Variants in RGSL1 observed in about 807,000 individuals in gnomAD.
RGSL1 encodes the protein regulator of G protein signaling protein-like.
RGSL1 carries 97 observed loss-of-function variants against 124.7 expected under a neutral mutation model. The ratio of observed to expected loss-of-function variants is 0.78; its 90% confidence interval spans 0.66 to 0.92. RGSL1 has a LOEUF of 0.92. RGSL1 is among the 40% of genes least tolerant of loss of function. RGSL1 has a pLI of 0.00. For synonymous variants in RGSL1, 424 were observed against 438.1 expected, an observed-to-expected ratio of 0.97 and a Z score of 0.40; for missense variants, 1,233 against 1,288.4, an observed-to-expected ratio of 0.96 and a Z score of 0.66.
At position 182,472,265 on chromosome 1, in the gene RGSL1, A is replaced by G. The variant is rs531702311; in HGVS notation, c.302-131A>G. ...AACTTTTCTAGAGATGATACCTTGAACCAATCACCAGGAATGATGATTGAT... is the reference window on the plus strand; with the variant it reads ...AACTTTTCTAGAGATGATACCTTGAGCCAATCACCAGGAATGATGATTGAT... On this transcript the variant is annotated intron_variant, in intron 4 of 21. Coordinates refer to ENST00000294854, the MANE Select transcript of RGSL1 (RefSeq NM_001137669.2). 193 of 840,696 alleles carry G rather than the reference A, an allele frequency of 2.3e-4. No homozygotes were observed. In the African/African-American group the frequency reaches 3.0e-3, roughly 13 times the overall value. 52.1% of individuals were successfully genotyped at this position (840,696 alleles called of 1,614,324 possible). A position where few individuals can be genotyped will look rare whatever the true frequency, so the allele number is the denominator to read the frequency against.
In RGSL1 at chr1:182,548,803, T is replaced by C; in HGVS notation, c.2912T>C (p.Val971Ala). Residue 971 changes from valine (V) to alanine (A), a missense_variant, in exon 17 of 22, where the codon GTT becomes GCT. Val to Ala is a moderately conservative substitution (Grantham distance 64). Transcript: ENST00000294854. ...GGGGCTATCATGTCTGTCTTCCCCG[T>C]TGTTATGTACTTCTGGAAAAGGTAA... ...FHGAIMSVFP[V>A]VMYFWKRFCF... 1 of 1,551,640 alleles carries C rather than the reference T, an allele frequency of 6.4e-7. No individual in the cohort carries two copies. The highest frequency in any genetic ancestry group is 8.7e-7 in the Non-Finnish European group (1 of 1,146,958).
At chr1:182,475,726 A>G (rs1421175104) in intron 6 of RGSL1, among the ~76,000 whole-genome samples, 1 of 152,138 alleles carries the variant, frequency 6.6e-6, no homozygotes, top group Non-Finnish European at 1.5e-5. Flanking sequence ...CATCTGATAA[A>G]CCCAAACAGA....
At position 182,540,288 on chromosome 1, in the gene RGSL1, C is replaced by T. The variant is rs988729943; in HGVS notation, c.2536C>T (p.Pro846Ser). 5 of 1,551,314 alleles carry T rather than the reference C, an allele frequency of 3.2e-6. No individual in the cohort carries two copies. In the African/African-American group the frequency reaches 4.1e-5, roughly 13 times the overall value. Residue 846 changes from proline to serine, a missense_variant, in exon 15 of 22, where the codon CCC (proline) becomes TCC (serine). Pro to Ser is a moderately conservative substitution (Grantham distance 74). Transcript: ENST00000294854. ...CAACACATCGGGACGTTCAGCTCCA[C>T]CCTCCACAAATGTCCGGAGTGCAGA... ...AHNTSGRSAP[P>S]STNVRSADQE...
chr1:182,521,557 G>A (rs1658340774), intron 9 of RGSL1, among the ~76,000 whole-genome samples: 1 of 152,186 alleles, frequency 6.6e-6, no homozygotes, highest in African/African-American at 2.4e-5. Flanking sequence ...CTTAAAAGAA[G>A]AAGTCAAGCA....
intron 16 of RGSL1, 57 bp downstream of exon 16, chr1:182,548,512 G>T: frequency 6.5e-7 from 1 of 1,544,894 alleles, no homozygotes; most frequent in Middle Eastern, 1.7e-4. Context: ...TCCCCCACAA[G>T]GACAATTAGA....
At chr1:182,494,548 A>G (rs146696865) in intron 9 of RGSL1, among the ~76,000 whole-genome samples, 63 of 152,300 alleles carry the variant, frequency 4.1e-4, no homozygotes, top group East Asian at 3.7e-3. Flanking sequence ...CTCACATTAT[A>G]TTTTTATTGG....
chr1:182,505,027 C>G (rs191399080), intron 9 of RGSL1, among the ~76,000 whole-genome samples: 1 of 152,220 alleles, frequency 6.6e-6, no homozygotes, highest in East Asian at 1.9e-4. Context: ...TTTGAAAACC[C>G]TTATTACCCC....
Position 182,556,041 on chromosome 1 carries a change from T to G in RGSL1, c.3215T>G (p.Ile1072Ser), listed in dbSNP as rs1571728888. The G allele has an allele frequency of 6.4e-7, 1 of 1,551,242 alleles. No individual in the cohort carries two copies. Among genetic ancestry groups the G allele is most frequent in the African/African-American group, 1.4e-5 (1 of 72,964 alleles). The change falls in exon 21 of 22, where the codon ATC becomes AGC. Residue 1072 changes from isoleucine to serine, a missense_variant. Physicochemically the swap from Ile to Ser is moderately radical, Grantham distance 142 (BLOSUM62 -2). Transcript: ENST00000294854. ...CCCTTCAGACAAAAATTATCCTACA[T>G]CAAAAAAGAGAAGTAATCAAGCGAG... ...HPVQGQKLSYIKKEK is the reference protein window; with the variant it reads ...HPVQGQKLSYSKKEK
At chr1:182,475,239 A>G (rs2102045525) in intron 6 of RGSL1, among the ~76,000 whole-genome samples, 1 of 152,354 alleles carries the variant, frequency 6.6e-6, no homozygotes, top group Middle Eastern at 3.4e-3. Flanking sequence ...ACTAGCCATC[A>G]AGGAAATGTT....
At chr1:182,522,793 T>G (rs186785298) in intron 10 of RGSL1, among the ~76,000 whole-genome samples, 225 of 152,338 alleles carry the variant, frequency 1.5e-3, no homozygotes, top group African/African-American at 5.2e-3. Flanking sequence ...CGGTCTTTAC[T>G]TTTTAGGTAT....
At chr1:182,480,649 T>C (rs1654634358) in intron 6 of RGSL1, among the ~76,000 whole-genome samples, 1 of 151,092 alleles carries the variant, frequency 6.6e-6, no homozygotes, top group Non-Finnish European at 1.5e-5. Context: ...AGAGACGGGG[T>C]TTCACCACAT....
rs927728231 is a variant in RGSL1, at chr1:182,474,331, A to G, written c.1220A>G (p.Gln407Arg). ...CTTCTTGACCTCTGGCAGGACTTGC[A>G]GCATTTCCTCAGTGTCCTTCTGAAT... ...IQLLDLWQDL[Q>R]HFLSVLLNNK... Residue 407 changes from glutamine (Q) to arginine (R), a missense_variant, in exon 6 of 22, where the codon CAG becomes CGG. Gln to Arg is a conservative substitution (Grantham distance 43). Coordinates refer to ENST00000294854, the MANE Select transcript of RGSL1 (RefSeq NM_001137669.2). 10 of 1,551,714 alleles carry G rather than the reference A, an allele frequency of 6.4e-6. No homozygotes were observed. The Admixed American group carries it at 1.8e-4, about 27-fold the overall frequency.
At chr1:182,470,079 G>A (rs534606133) in intron 4 of RGSL1, among the ~76,000 whole-genome samples, 13 of 151,986 alleles carry the variant, frequency 8.6e-5, no homozygotes, top group Non-Finnish European at 1.6e-4. Flanking sequence ...TTTTGGAGGC[G>A]GATGGTCATG....
intron 9 of RGSL1, among the ~76,000 whole-genome samples, chr1:182,520,595 T>G (rs950618083): frequency 1.3e-4 from 20 of 152,204 alleles, no homozygotes; most frequent in Non-Finnish European, 2.4e-4. Flanking sequence ...TATATTGATT[T>G]TGTCTTAATT....
At position 182,469,192 on chromosome 1, in the gene RGSL1, G is replaced by T. The variant is rs1041302710; in HGVS notation, c.302-3204G>T. On this transcript the variant is annotated intron_variant, in intron 4 of 21. Transcript: ENST00000294854. ...CTTCATAAAAAATCAAAAAACTTGTGCATCAAAAGATACTATCAAAAGTAA... is the reference window on the plus strand; with the variant it reads ...CTTCATAAAAAATCAAAAAACTTGTTCATCAAAAGATACTATCAAAAGTAA... 5.3e-5 allele frequency among the ~76,000 whole-genome samples: 8 copies of T among 152,130 alleles called. 1 individual carries two copies. Among genetic ancestry groups the T allele is most frequent in the East Asian group, 1.9e-4 (1 of 5,162 alleles).
intron 7 of RGSL1, 60 bp downstream of exon 7, chr1:182,488,407 T>C (rs1230340724): frequency 7.0e-7 from 1 of 1,419,790 alleles, no homozygotes; most frequent in Non-Finnish European, 9.7e-7. Context: ...AAAGAGTAAT[T>C]ACTGTTTTAA....
rs74942075 is a variant in RGSL1 at position 182,477,083 on chromosome 1, G to T, written c.1431+2541G>T. Among the ~76,000 whole-genome samples the T allele has an allele frequency of 4.4e-3, 666 of 152,294 alleles. 5 individuals carry two copies. The highest frequency in any genetic ancestry group is 0.015 in the African/African-American group (644 of 41,570). On this transcript the variant is annotated intron_variant, in intron 6 of 21. Coordinates refer to ENST00000294854, the MANE Select transcript of RGSL1 (RefSeq NM_001137669.2). ...TGTTCACCCATAGAAACATGGACTTGCCAACTATCCACAGAAAAAAGTGCC... is the reference window on the plus strand; with the variant it reads ...TGTTCACCCATAGAAACATGGACTTTCCAACTATCCACAGAAAAAAGTGCC...
At chr1:182,552,857 G>A (rs749419618) in intron 18 of RGSL1, among the ~76,000 whole-genome samples, 4 of 152,014 alleles carry the variant, frequency 2.6e-5, no homozygotes, top group African/African-American at 4.8e-5. Context: ...CCATGATAAT[G>A]GCAACAATCC....
At chr1:182,471,202 G>T (rs969738352) in intron 4 of RGSL1, 2 of 451,232 alleles carry the variant, frequency 4.4e-6, no homozygotes, top group African/African-American at 2.0e-5. Flanking sequence ...ACAAATGGGG[G>T]TCTGGCAGTG....
Sources: allele counts gnomAD v4.1 joint callset (sites outside exome capture counted in the v4.1 genomes callset), GRCh38; gene constraint gnomAD v4.1.1; transcripts MANE v1.5; gene names NCBI Gene and HGNC (gene_info 2026-07-23, HGNC 2026-07-21).